DNAJC7: variants seen among roughly 807,000 people sequenced by gnomAD.
The protein encoded by DNAJC7 is dnaJ homolog subfamily C member 7.
A neutral mutation model predicts 67.4 loss-of-function variants in DNAJC7; 18 were observed. The observed-to-expected ratio is 0.27, with a 90% CI of 0.18 to 0.40. The LOEUF (loss-of-function observed/expected upper bound fraction) is 0.40. Ranked by LOEUF, DNAJC7 falls within the 10% of genes least tolerant of loss-of-function variation. DNAJC7 has a pLI of 1.00. For synonymous variants in DNAJC7, 220 were observed against 207.8 expected (o/e 1.06, Z -0.50); for missense variants, 419 against 613.8 (o/e 0.68, Z 3.35).
chr17:41,987,734 T>G (rs1330376903), intron 9 of DNAJC7, 85 bp downstream of exon 9: 12 of 1,183,850 alleles, frequency 1.0e-5, no homozygotes, highest in African/African-American at 1.5e-5. Context: ...TCACAACATC[T>G]CTGGGTCTGC....
At chr17:41,995,443 C>G (rs1387672952) in intron 4 of DNAJC7, among the ~76,000 whole-genome samples, 4 of 152,300 alleles carry the variant, frequency 2.6e-5, no homozygotes, top group African/African-American at 9.6e-5. Context: ...ACTGTATATA[C>G]AGTCATACAC....
At position 41,976,650 on chromosome 17, in the gene DNAJC7, GA is replaced by G; in HGVS notation, c.*82del. ...TGCTCTAAGCACACGGAGACGTGAT[GA>G]AGGGAGGAGGTGAACTGTTTCCACA... is the stretch of plus-strand genomic sequence containing the variant. On this transcript the variant is annotated 3_prime_UTR_variant, in exon 14 of 14. Transcript: ENST00000457167. 1 of 1,551,852 alleles carries G rather than the reference GA, an allele frequency of 6.4e-7. No individual in the cohort carries two copies. Among genetic ancestry groups the G allele is most frequent in the Admixed American group, 1.9e-5 (1 of 52,472 alleles).
intron 2 of DNAJC7, 144 bp from the exon 3 acceptor site, chr17:41,997,383 T>C: frequency 1.0e-6 from 1 of 953,034 alleles, no homozygotes; most frequent in Non-Finnish European, 1.5e-6. Context: ...AGGTCAGGAG[T>C]TCAAGACCAG....
rs2051619766 is a variant in DNAJC7, at chr17:41,995,057, C to T, written c.406-113G>A. Reference sequence around the variant, plus strand: ...GAATTCAGTAAATATACCACACTGCCTCTTTTGATAGAGATAGGGTCGAAT... The same window carrying T: ...GAATTCAGTAAATATACCACACTGCTTCTTTTGATAGAGATAGGGTCGAAT... On this transcript the variant is annotated intron_variant, in intron 4 of 13. Transcript: ENST00000457167. The T allele has an allele frequency of 3.7e-5, 33 of 890,622 alleles. No homozygotes were observed. In the South Asian group the frequency reaches 4.4e-4, roughly 12 times the overall value. The allele number at this position is 890,622 out of a possible 1,614,324, so 55.2% of individuals were successfully genotyped here.
chr17:41,981,061 A>G (rs1031179343), intron 12 of DNAJC7, among the ~76,000 whole-genome samples: 2 of 151,966 alleles, frequency 1.3e-5, no homozygotes, highest in African/African-American at 2.4e-5. Context: ...GGAGGGATGG[A>G]GTCTCACTCT....
chr17:42,000,667 C>A (rs1249218415), intron 1 of DNAJC7, 97 bp from the exon 2 acceptor site: 1 of 873,232 alleles, frequency 1.1e-6, no homozygotes, highest in Non-Finnish European at 1.8e-6. Context: ...CCGCAGCACA[C>A]TGAGCTGAAA....
In DNAJC7 at chr17:41,981,925, G is replaced by C. The variant is rs782271119; in HGVS notation, c.1314C>G (p.Leu438=). Residue 438 remains leucine, a synonymous_variant, in exon 12 of 14, where the codon CTC becomes CTG. Coordinates refer to ENST00000457167, the MANE Select transcript of DNAJC7 (RefSeq NM_003315.4). ...FKEVGEAFTI[L]SDPKKKTRYD... is the part of the protein sequence containing the mutation. ...AGCGAGTCTTTTTCTTGGGATCAGA[G>C]AGGATAGTAAAGGCCTCTCCAACTT... The C allele has an allele frequency of 1.2e-6, 2 of 1,613,986 alleles. No individual in the cohort carries two copies. The highest frequency in any genetic ancestry group is 8.5e-7 in the Non-Finnish European group (1 of 1,179,900).
intron 1 of DNAJC7, among the ~76,000 whole-genome samples, chr17:42,008,312 A>G (rs1555650614): frequency 6.6e-6 from 1 of 151,506 alleles, no homozygotes; most frequent in East Asian, 2.0e-4. Flanking sequence ...TCCGTCTCAA[A>G]AAAGAAAAAA....
rs10631965 is a variant in DNAJC7, at chr17:42,003,950, A to ATTTTTT, written c.78-3386_78-3381dup. ...GAAGCATTTCCAATGAAGATTTTCA[A>ATTTTTT]TTTTTTTTTTTTTTTTTTTTTTTTA... On this transcript the variant is annotated intron_variant, in intron 1 of 13. Coordinates refer to ENST00000457167, the MANE Select transcript of DNAJC7 (RefSeq NM_003315.4). Among the ~76,000 whole-genome samples the ATTTTTT allele has an allele frequency of 2.2e-3, 205 of 94,294 alleles. 16 individuals are homozygous for ATTTTTT. The highest frequency in any genetic ancestry group is 0.011 in the East Asian group (33 of 2,910). The allele number at this position is 94,294 out of a possible 152,430, so 61.9% of individuals were successfully genotyped here. A position where few individuals can be genotyped will look rare whatever the true frequency, so the allele number is the denominator to read the frequency against.
intron 3 of DNAJC7, among the ~76,000 whole-genome samples, chr17:41,996,650 T>C (rs992384415): frequency 5.3e-5 from 8 of 152,010 alleles, no homozygotes; most frequent in African/African-American, 1.7e-4. Context: ...TTACTAAAAA[T>C]ACAAAAATTA....
intron 1 of DNAJC7, among the ~76,000 whole-genome samples, chr17:42,010,310 C>T (rs572219817): frequency 7.2e-6 from 1 of 139,190 alleles, no homozygotes; most frequent in Admixed American, 7.7e-5. Flanking sequence ...ATGGAGAAAC[C>T]CTGTCTCTAC....
At chr17:41,991,102 G>A (rs1555647724) in intron 5 of DNAJC7, among the ~76,000 whole-genome samples, 1 of 152,176 alleles carries the variant, frequency 6.6e-6, no homozygotes, top group East Asian at 1.9e-4. Context: ...GCCTCATAAA[G>A]CATCTCCATA....
chr17:41,990,246 G>C lies in DNAJC7; in HGVS notation c.599+18C>G. 1.3e-6 allele frequency: 2 copies of C among 1,588,706 alleles called. No homozygotes were observed. The highest frequency in any genetic ancestry group is 1.7e-6 in the Non-Finnish European group (2 of 1,165,548). ...ATGGTATCTGGCATTTTAATGTCCA[G>C]CTAGCCTGACTGCATACCTAGCCAC... On this transcript the variant is annotated intron_variant, in intron 6 of 13. Transcript: ENST00000457167.
rs782556693 is a variant in DNAJC7 at position 41,981,646 on chromosome 17, C to T, written c.1384+209G>A. ...GGCCATGCTTTTCTGCACTTCCAAGCCTTCCCTTGCTAGTGCTCGCCTCCT... is the reference window on the plus strand; with the variant it reads ...GGCCATGCTTTTCTGCACTTCCAAGTCTTCCCTTGCTAGTGCTCGCCTCCT... On this transcript the variant is annotated intron_variant, in intron 12 of 13. Transcript: ENST00000457167. The T allele has an allele frequency of 7.1e-5, 44 of 622,598 alleles. 1 individual carries two copies. Among genetic ancestry groups the T allele is most frequent in the Non-Finnish European group, 1.1e-4 (41 of 373,114 alleles). The allele number at this position is 622,598 out of a possible 1,614,324, so 38.6% of individuals were successfully genotyped here.
rs2051088769 is a variant in DNAJC7, at chr17:41,976,654, G to C, written c.*79C>G. The stretch of plus-strand genomic sequence containing the variant: ...CTAAGCACACGGAGACGTGATGAAG[G>C]GAGGAGGTGAACTGTTTCCACATTC... On this transcript the variant is annotated 3_prime_UTR_variant, in exon 14 of 14. Transcript: ENST00000457167. The C allele has an allele frequency of 1.9e-6, 3 of 1,559,534 alleles. No homozygotes were observed. In the Admixed American group the frequency reaches 5.6e-5, roughly 29 times the overall value.
rs1183205358 is a variant in DNAJC7, at chr17:41,997,310, T to G, written c.167-71A>C. 2.6e-6 allele frequency: 4 copies of G among 1,539,632 alleles called. No individual in the cohort carries two copies. The African/African-American group carries it at 5.5e-5, about 21-fold the overall frequency. On this transcript the variant is annotated intron_variant, in intron 2 of 13. Transcript: ENST00000457167. Reference sequence around the variant, plus strand: ...CCTGCTTTGAAAACTTAGAGGGGGCTGGGCGCAGTGGCTCATGCCCATAAT... The same window carrying G: ...CCTGCTTTGAAAACTTAGAGGGGGCGGGGCGCAGTGGCTCATGCCCATAAT...
chr17:41,996,452 G>T (rs782601159), intron 3 of DNAJC7, 28 bp from the exon 4 acceptor site: 1 of 1,595,370 alleles, frequency 6.3e-7, no homozygotes, highest in Non-Finnish European at 8.5e-7. Flanking sequence ...GGGAAGAAAA[G>T]AAGCATGATT....
intron 12 of DNAJC7, 167 bp downstream of exon 12, chr17:41,981,688 C>T: frequency 3.1e-6 from 3 of 953,012 alleles, no homozygotes; most frequent in Non-Finnish European, 4.7e-6. Context: ...TCACTGCACA[C>T]TGTGAACCTG....
At chr17:41,981,803 T>G in intron 12 of DNAJC7, 52 bp downstream of exon 12, 1 of 1,591,336 alleles carries the variant, frequency 6.3e-7, no homozygotes, top group Non-Finnish European at 8.6e-7. Context: ...TGGAAAAAAT[T>G]CTAACATTCT....
Sources: allele counts gnomAD v4.1 joint callset (sites outside exome capture counted in the v4.1 genomes callset), GRCh38; gene constraint gnomAD v4.1.1; transcripts MANE v1.5; gene names NCBI Gene and HGNC (gene_info 2026-07-23, HGNC 2026-07-21).